C12orf54: variants seen among roughly 807,000 people sequenced by gnomAD.
The protein encoded by C12orf54 is uncharacterized protein C12orf54.
Under a neutral mutation model 26.4 loss-of-function variants are expected in C12orf54, and 24 were observed. The ratio of observed to expected loss-of-function variants is 0.91; its 90% CI spans 0.66 to 1.28. The LOEUF is 1.28. Among genes scored for constraint, C12orf54 ranks in the 50% most tolerant of loss-of-function variants. C12orf54 has a pLI of 0.00. For missense variants in C12orf54, 154 were observed against 150.9 expected, an observed-to-expected ratio of 1.02 and a Z score of -0.11; for synonymous variants, 54 against 47.0, an observed-to-expected ratio of 1.15 and a Z score of -0.61.
At chr12:48,495,741 C>T (rs1398236109) in intron 8 of C12orf54, 1 of 151,440 alleles carries the variant, frequency 6.6e-6, no homozygotes, top group East Asian at 1.9e-4. Flanking sequence ...AGTACAGTGA[C>T]TCTATGTATT....
the C12orf54 span, among the ~76,000 whole-genome samples, chr12:48,416,343 A>T: frequency 1.3e-5 from 2 of 152,208 alleles, no homozygotes; most frequent in African/African-American, 4.8e-5. Flanking sequence ...GCTGAGCTTC[A>T]GTCATACAGC....
intron 8 of C12orf54, 103 bp downstream of exon 8, chr12:48,495,082 A>T: frequency 2.4e-6 from 2 of 845,122 alleles, no homozygotes; most frequent in Non-Finnish European, 1.8e-6. Flanking sequence ...GCAGGGCAGC[A>T]CCCCATGAAG....
the C12orf54 span, among the ~76,000 whole-genome samples, chr12:48,435,059 T>G: frequency 2.0e-5 from 3 of 151,892 alleles, no homozygotes; most frequent in Non-Finnish European, 2.9e-5. Context: ...TGCAGAGAAA[T>G]CCTTAAAGGA....
At chr12:48,428,671 C>A in the C12orf54 span, among the ~76,000 whole-genome samples, 2 of 151,860 alleles carry the variant, frequency 1.3e-5, no homozygotes, top group Admixed American at 1.3e-4. Context: ...ATTAAAATGG[C>A]AATTTAAAAA....
At chr12:48,421,385 A>G in the C12orf54 span, among the ~76,000 whole-genome samples, 2 of 152,040 alleles carry the variant, frequency 1.3e-5, no homozygotes, top group Non-Finnish European at 2.9e-5. Flanking sequence ...GTGGTGTTAA[A>G]CCATGAGAAA....
chr12:48,476,891 C>T, the C12orf54 span, among the ~76,000 whole-genome samples: 9 of 152,220 alleles, frequency 5.9e-5, no homozygotes, highest in African/African-American at 1.7e-4. Context: ...CTGCACCAAG[C>T]GGACCTAATA....
the C12orf54 span, among the ~76,000 whole-genome samples, chr12:48,458,033 G>A: frequency 4.6e-5 from 7 of 152,306 alleles, no homozygotes; most frequent in African/African-American, 1.4e-4. Context: ...ATTGCTGAAG[G>A]CAAGGGTGGC....
At chr12:48,451,800 C>A in the C12orf54 span, among the ~76,000 whole-genome samples, 1 of 152,148 alleles carries the variant, frequency 6.6e-6, no homozygotes, top group Non-Finnish European at 1.5e-5. Context: ...AGGACTTCTT[C>A]AAAGAGAACT....
At chr12:48,488,480 C>A (rs1937707679) in intron 4 of C12orf54, 5 of 221,834 alleles carry the variant, frequency 2.3e-5, no homozygotes, top group Admixed American at 7.0e-5. Context: ...AAACTTACAG[C>A]CAAAAAAAAA....
the C12orf54 span, among the ~76,000 whole-genome samples, chr12:48,460,530 G>C: frequency 6.6e-6 from 1 of 151,954 alleles, no homozygotes; most frequent in Non-Finnish European, 1.5e-5. Context: ...TACTTACAAA[G>C]GTAATTACAA....
At chr12:48,435,979 T>A in the C12orf54 span, among the ~76,000 whole-genome samples, 1 of 151,780 alleles carries the variant, frequency 6.6e-6, no homozygotes, top group Non-Finnish European at 1.5e-5. Context: ...GGATAAAGAG[T>A]CAAGACCCAT....
chr12:48,472,828 C>A, the C12orf54 span: 1 of 1,614,116 alleles, frequency 6.2e-7, no homozygotes, highest in Non-Finnish European at 8.5e-7. Context: ...ATAGGCCTCA[C>A]CTCAATTGCA....
intron 6 of C12orf54, among the ~76,000 whole-genome samples, chr12:48,491,713 G>A (rs1004186650): frequency 3.9e-5 from 6 of 152,074 alleles, no homozygotes; most frequent in African/African-American, 1.2e-4. Context: ...CTAGCATTTC[G>A]AGAAAATACT....
chr12:48,450,625 A>G, the C12orf54 span, among the ~76,000 whole-genome samples: 4 of 152,192 alleles, frequency 2.6e-5, no homozygotes, highest in Admixed American at 2.6e-4. Flanking sequence ...AATAAACACA[A>G]TCAGAAATGA....
intron 4 of C12orf54, among the ~76,000 whole-genome samples, 181 bp downstream of exon 4, chr12:48,486,907 C>T (rs552810593): frequency 1.3e-5 from 2 of 152,268 alleles, no homozygotes; most frequent in South Asian, 4.1e-4. Flanking sequence ...CAGAGCTCCT[C>T]GTGTCTGTGC....
At chr12:48,474,123 A>G in the C12orf54 span, among the ~76,000 whole-genome samples, 3 of 152,134 alleles carry the variant, frequency 2.0e-5, no homozygotes, top group African/African-American at 7.2e-5. Context: ...AAACCCTCAA[A>G]CTTCAACTTC....
chr12:48,436,285 C>A, the C12orf54 span, among the ~76,000 whole-genome samples: 15 of 152,180 alleles, frequency 9.9e-5, no homozygotes, highest in East Asian at 3.9e-4. Context: ...TACAAACAGA[C>A]TTAGACTCCC....
the C12orf54 span, among the ~76,000 whole-genome samples, chr12:48,419,929 T>C: frequency 1.3e-5 from 2 of 152,194 alleles, no homozygotes; most frequent in African/African-American, 4.8e-5. Context: ...CCAGGAGCCT[T>C]CCAGGTAAAG....
chr12:48,425,047 T>C, the C12orf54 span, among the ~76,000 whole-genome samples: 1 of 152,140 alleles, frequency 6.6e-6, no homozygotes, highest in Non-Finnish European at 1.5e-5. Context: ...ATGTAGGCTA[T>C]ATCTCAGTGA....
Sources: allele counts gnomAD v4.1 joint callset (sites outside exome capture counted in the v4.1 genomes callset), GRCh38; gene constraint gnomAD v4.1.1; transcripts MANE v1.5; gene names NCBI Gene and HGNC (gene_info 2026-07-23, HGNC 2026-07-21).